The following TENM3 variants were observed in gnomAD, a reference collection of about 807,000 sequenced individuals.
TENM3 encodes the protein teneurin-3.
A neutral mutation model predicts 255.1 loss-of-function variants in TENM3; 63 were observed. That is an observed-to-expected ratio of 0.25 (90% CI 0.20 to 0.30). The LOEUF is 0.30. Ranked by LOEUF, TENM3 falls within the 10% of genes least tolerant of loss-of-function variation. The probability of loss-of-function intolerance (pLI) is 1.00; values close to 1 mark genes in which losing one functional copy is unlikely to be tolerated. For missense variants in TENM3, 2,929 were observed against 3,461.1 expected (o/e 0.85, Z 3.86); for synonymous variants, 1,306 against 1,322.3 (o/e 0.99, Z 0.27).
chr4:181,481,086 C>T, the TENM3 span, among the ~76,000 whole-genome samples: 1 of 151,408 alleles, frequency 6.6e-6, no homozygotes, highest in African/African-American at 2.4e-5. Flanking sequence ...AGTATACCTA[C>T]TTGAGGATAA....
At chr4:182,068,441 C>A in the TENM3 span, among the ~76,000 whole-genome samples, 95,788 of 150,720 alleles carry the variant, frequency 0.64, 31,574 homozygotes, top group East Asian at 0.87. Flanking sequence ...TAAAAAAAAA[C>A]CAAAACCCTA....
the TENM3 span, among the ~76,000 whole-genome samples, chr4:181,893,771 T>C: frequency 3.9e-5 from 6 of 152,196 alleles, no homozygotes; most frequent in East Asian, 1.2e-3. Context: ...GAGCACAGCT[T>C]TAGGTTAAAA....
chr4:181,950,245 C>T, the TENM3 span, among the ~76,000 whole-genome samples: 1 of 152,176 alleles, frequency 6.6e-6, no homozygotes, highest in African/African-American at 2.4e-5. Flanking sequence ...CCAGAGAACT[C>T]CCCTTTGACT....
chr4:182,255,446 A>G (rs1049906412), intron 1 of TENM3, among the ~76,000 whole-genome samples: 3 of 152,208 alleles, frequency 2.0e-5, no homozygotes, highest in Admixed American at 1.3e-4. Context: ...CTAGCATTGT[A>G]TTGCCAAAGA....
intron 1 of TENM3, among the ~76,000 whole-genome samples, chr4:182,226,243 G>GA (rs936915981): frequency 2.6e-5 from 4 of 152,032 alleles, no homozygotes; most frequent in Admixed American, 2.0e-4. Flanking sequence ...AAAGGAAAGA[G>GA]AAAAAAAGAA....
In TENM3 at chr4:182,743,095, C is replaced by T. The variant is rs556486577; in HGVS notation, c.3380-75C>T. 14 of 1,461,172 alleles carry T rather than the reference C, an allele frequency of 9.6e-6. 2 individuals carry two copies. In the African/African-American group the frequency reaches 2.0e-4, roughly 21 times the overall value. 90.5% of individuals were successfully genotyped at this position (1,461,172 alleles called of 1,614,324 possible). On this transcript the variant is annotated intron_variant, in intron 18 of 27. Transcript: ENST00000511685. ...GACAGGCATTGAATTATAGTTAAAACAATCATGAACATGTTTGCTTTTCAT... is the reference window on the plus strand; with the variant it reads ...GACAGGCATTGAATTATAGTTAAAATAATCATGAACATGTTTGCTTTTCAT...
rs58332965 is a variant in TENM3 at position 182,603,784 on chromosome 4, T to TATATATATATATATAG, written c.749+2624_749+2625insTATATATATATATAGA. Among the ~76,000 whole-genome samples the TATATATATATATATAG allele has an allele frequency of 2.7e-3, 356 of 134,168 alleles. 8 individuals are homozygous for TATATATATATATATAG. Among genetic ancestry groups the TATATATATATATATAG allele is most frequent in the Middle Eastern group, 3.8e-3 (1 of 264 alleles). The allele number at this position is 134,168 out of a possible 152,430, so 88.0% of individuals were successfully genotyped here. On this transcript the variant is annotated intron_variant, in intron 4 of 27. Transcript: ENST00000511685. ...AATTATTTATATATATATATATATA[T>TATATATATATATATAG]ACACACACACACCGATTTTGCTAAT...
the TENM3 span, among the ~76,000 whole-genome samples, chr4:181,870,384 G>A: frequency 6.6e-6 from 1 of 152,100 alleles, no homozygotes; most frequent in African/African-American, 2.4e-5. Context: ...ACACTGTCTA[G>A]CAGTATTTTC....
intron 3 of TENM3, among the ~76,000 whole-genome samples, chr4:182,364,736 C>G (rs569107589): frequency 6.6e-6 from 1 of 152,280 alleles, no homozygotes; most frequent in South Asian, 2.1e-4. Context: ...CAGTTTTCAC[C>G]TAAGTTTCCA....
At chr4:181,865,770 T>C in the TENM3 span, among the ~76,000 whole-genome samples, 1 of 152,296 alleles carries the variant, frequency 6.6e-6, no homozygotes, top group Admixed American at 6.5e-5. Flanking sequence ...GCTTTAGAAA[T>C]CCGGTCAGTG....
At chr4:181,918,739 CCTAT>C in the TENM3 span, among the ~76,000 whole-genome samples, 1 of 151,996 alleles carries the variant, frequency 6.6e-6, no homozygotes. Flanking sequence ...TTCATTTCTT[CCTAT>C]CTGTCTGCCT....
chr4:181,688,188 A>G, the TENM3 span, among the ~76,000 whole-genome samples: 3 of 152,178 alleles, frequency 2.0e-5, no homozygotes, highest in Non-Finnish European at 4.4e-5. Flanking sequence ...CATCACTTTC[A>G]TCTACTTCTT....
intron 3 of TENM3, among the ~76,000 whole-genome samples, chr4:182,592,805 TGAA>T (rs1179389073): frequency 6.6e-6 from 1 of 152,236 alleles, no homozygotes; most frequent in Non-Finnish European, 1.5e-5. Context: ...AGGTCAATTT[TGAA>T]GAAGACTTAA....
At chr4:181,537,591 C>T in the TENM3 span, among the ~76,000 whole-genome samples, 1 of 152,136 alleles carries the variant, frequency 6.6e-6, no homozygotes, top group South Asian at 2.1e-4. Flanking sequence ...TATTATATTC[C>T]AAGTACTATG....
Position 182,800,900 on chromosome 4 carries a change from A to AT in TENM3, c.*553dup, listed in dbSNP as rs1165156843. On this transcript the variant is annotated 3_prime_UTR_variant, in exon 28 of 28. Transcript: ENST00000511685. ...TTCTGCGGCGGGGATTTATTAATGG[A>AT]TTTTACAATGCTAACGTGGTTTCCC... 1 of 152,650 alleles carries AT rather than the reference A, an allele frequency of 6.6e-6. No homozygotes were observed. The highest frequency in any genetic ancestry group is 1.5e-5 in the Non-Finnish European group (1 of 68,072). 9.5% of individuals were successfully genotyped at this position (152,650 alleles called of 1,614,324 possible). A position where few individuals can be genotyped will look rare whatever the true frequency, so the allele number is the denominator to read the frequency against.
At chr4:182,787,659 C>T (rs1035911513) in intron 24 of TENM3, among the ~76,000 whole-genome samples, 11 of 143,340 alleles carry the variant, frequency 7.7e-5, no homozygotes, top group Admixed American at 1.5e-4. Context: ...GCTTGAACCC[C>T]GGGAGGCGGA....
the TENM3 span, among the ~76,000 whole-genome samples, chr4:181,605,452 A>AAGAGAGAGAG: frequency 3.0e-5 from 3 of 100,506 alleles, no homozygotes; most frequent in African/African-American, 1.3e-4. Flanking sequence ...AAAAGAAAGA[A>AAGAGAGAGAG]AGAGAGAGAG....
At chr4:181,897,505 A>T in the TENM3 span, among the ~76,000 whole-genome samples, 24 of 152,194 alleles carry the variant, frequency 1.6e-4, no homozygotes, top group African/African-American at 4.8e-4. Flanking sequence ...TTCCATTTTT[A>T]AACTTGGCAT....
chr4:182,041,193 G>A, the TENM3 span, among the ~76,000 whole-genome samples: 164 of 152,134 alleles, frequency 1.1e-3, 1 homozygote, highest in African/African-American at 3.3e-3. Context: ...TGTGTGTGTC[G>A]TGTATGTATG....
Sources: allele counts gnomAD v4.1 joint callset (sites outside exome capture counted in the v4.1 genomes callset), GRCh38; gene constraint gnomAD v4.1.1; transcripts MANE v1.5; gene names NCBI Gene and HGNC (gene_info 2026-07-23, HGNC 2026-07-21).